SLC9A9: variants seen among roughly 807,000 people sequenced by gnomAD.
SLC9A9 encodes sodium/hydrogen exchanger 9.
In SLC9A9, 62 loss-of-function variants were observed where a neutral mutation model predicts 77.8. The ratio of observed to expected loss-of-function variants is 0.80; its 90% CI spans 0.65 to 0.98. The LOEUF is 0.98. SLC9A9 is among the 50% of genes least tolerant of loss of function. SLC9A9 has a pLI of 0.00. For synonymous variants in SLC9A9, 320 were observed against 283.5 expected (o/e 1.13, Z -1.29); for missense variants, 775 against 774.9 (o/e 1.00, Z 0.00).
rs139943362 is a variant in SLC9A9 at position 143,705,929 on chromosome 3, A to T, written c.534-12622T>A. On this transcript the variant is annotated intron_variant, in intron 4 of 15. Transcript: ENST00000316549. ...AGAGAGAAGTCATCTACATAAGCAC[A>T]GCACATAGTGGAAAGCGCTAAGTGT... Among the ~76,000 whole-genome samples, 223 of 152,364 alleles carry T rather than the reference A, an allele frequency of 1.5e-3. 1 individual carries two copies. The highest frequency in any genetic ancestry group is 5.2e-3 in the African/African-American group (215 of 41,590).
At chr3:143,538,985 T>A (rs921533961) in intron 9 of SLC9A9, among the ~76,000 whole-genome samples, 2 of 152,194 alleles carry the variant, frequency 1.3e-5, no homozygotes, top group African/African-American at 4.8e-5. Flanking sequence ...AAAATTTAAT[T>A]TGAACAAAGC....
chr3:143,555,163 T>C (rs141885440), intron 8 of SLC9A9, among the ~76,000 whole-genome samples: 2 of 152,252 alleles, frequency 1.3e-5, no homozygotes, highest in East Asian at 3.9e-4. Context: ...AGTGAATAAG[T>C]CTCATGAGAT....
intron 12 of SLC9A9, among the ~76,000 whole-genome samples, chr3:143,454,175 C>T (rs1012386865): frequency 2.8e-4 from 43 of 152,142 alleles, no homozygotes; most frequent in African/African-American, 1.0e-3. Flanking sequence ...ACAAAACAAA[C>T]TAAGACACTG....
At chr3:143,801,897 A>G (rs2008572402) in intron 2 of SLC9A9, among the ~76,000 whole-genome samples, 1 of 152,162 alleles carries the variant, frequency 6.6e-6, no homozygotes, top group Non-Finnish European at 1.5e-5. Context: ...AGGTTTCCTC[A>G]CTACACAAGA....
intron 8 of SLC9A9, among the ~76,000 whole-genome samples, chr3:143,561,103 C>A (rs1264148039): frequency 6.6e-6 from 1 of 152,128 alleles, no homozygotes; most frequent in Non-Finnish European, 1.5e-5. Context: ...ATTGTTTGAA[C>A]CCGGGAGGTG....
intron 14 of SLC9A9, among the ~76,000 whole-genome samples, chr3:143,305,891 T>G (rs1480267692): frequency 1.3e-5 from 2 of 152,234 alleles, no homozygotes; most frequent in Admixed American, 1.3e-4. Context: ...AGCTGTCAAG[T>G]GATGGAAAAG....
Position 143,385,860 on chromosome 3 carries a change from G to A in SLC9A9, c.1470-3746C>T, listed in dbSNP as rs559515463. Among the ~76,000 whole-genome samples the A allele has an allele frequency of 7.9e-5, 12 of 152,230 alleles. No homozygotes were observed. The South Asian group carries it at 8.3e-4, about 11-fold the overall frequency. ...CTGATCTGGACAGTGTCCTGGGTCC[G>A]GTAACTGGACTTGTCCTTGTTTCTG... On this transcript the variant is annotated intron_variant, in intron 12 of 15. Transcript: ENST00000316549.
intron 4 of SLC9A9, among the ~76,000 whole-genome samples, chr3:143,742,965 C>A (rs999404739): frequency 6.6e-6 from 1 of 151,848 alleles, no homozygotes; most frequent in Non-Finnish European, 1.5e-5. Flanking sequence ...TCCAAGGAAG[C>A]CTGCTGCCTT....
chr3:143,845,536 G>A (rs150061593), intron 1 of SLC9A9, among the ~76,000 whole-genome samples: 1 of 152,290 alleles, frequency 6.6e-6, no homozygotes, highest in East Asian at 1.9e-4. Flanking sequence ...GTTCTTTCAG[G>A]TGAACGTGAA....
intron 2 of SLC9A9, among the ~76,000 whole-genome samples, chr3:143,801,016 A>C (rs2008537110): frequency 6.6e-6 from 1 of 152,160 alleles, no homozygotes; most frequent in South Asian, 2.1e-4. Flanking sequence ...TCACCTTTGG[A>C]TACCTGGTTT....
chr3:143,370,784 T>A (rs1415614760), intron 13 of SLC9A9, among the ~76,000 whole-genome samples: 1 of 152,054 alleles, frequency 6.6e-6, no homozygotes, highest in Non-Finnish European at 1.5e-5. Context: ...AACCACTTCA[T>A]CATCGCTTTC....
intron 6 of SLC9A9, among the ~76,000 whole-genome samples, chr3:143,603,514 T>C (rs1023956453): frequency 5.3e-5 from 8 of 152,214 alleles, no homozygotes; most frequent in African/African-American, 1.9e-4. Context: ...AGCAAACTCT[T>C]GTGCAGCCCT....
intron 4 of SLC9A9, among the ~76,000 whole-genome samples, chr3:143,763,720 T>C (rs2007212860): frequency 6.6e-6 from 1 of 152,152 alleles, no homozygotes; most frequent in Non-Finnish European, 1.5e-5. Flanking sequence ...TTTGATTTTT[T>C]TTTTTTTCAC....
intron 2 of SLC9A9, among the ~76,000 whole-genome samples, chr3:143,815,019 A>G (rs982490101): frequency 1.3e-5 from 2 of 152,044 alleles, no homozygotes; most frequent in Non-Finnish European, 2.9e-5. Context: ...AACAAAGGAG[A>G]GGGAGAATAA....
intron 14 of SLC9A9, among the ~76,000 whole-genome samples, chr3:143,273,125 A>G (rs995174205): frequency 6.6e-6 from 1 of 152,244 alleles, no homozygotes; most frequent in Non-Finnish European, 1.5e-5. Flanking sequence ...GCTAAAACCA[A>G]TGGGTACACA....
At position 143,728,456 on chromosome 3, in the gene SLC9A9, G is replaced by A. The variant is rs971853882; in HGVS notation, c.534-35149C>T. Among the ~76,000 whole-genome samples the A allele has an allele frequency of 4.2e-4, 64 of 152,196 alleles. 1 individual carries two copies. Among genetic ancestry groups the A allele is most frequent in the East Asian group, 7.7e-4 (4 of 5,190 alleles). On this transcript the variant is annotated intron_variant, in intron 4 of 15. Transcript: ENST00000316549. ...GATGACATCTTCTGGGATCTGAAAGGAAGTGGAATAAAGTGGGCAAGGGGT... is the reference window on the plus strand; with the variant it reads ...GATGACATCTTCTGGGATCTGAAAGAAAGTGGAATAAAGTGGGCAAGGGGT...
intron 4 of SLC9A9, among the ~76,000 whole-genome samples, chr3:143,696,136 G>A (rs898170732): frequency 2.0e-5 from 3 of 152,130 alleles, no homozygotes; most frequent in African/African-American, 7.2e-5. Flanking sequence ...CTGTTCAGAA[G>A]CTCTTTAATT....
chr3:143,291,813 C>G (rs2029989720), intron 14 of SLC9A9, among the ~76,000 whole-genome samples: 1 of 152,196 alleles, frequency 6.6e-6, no homozygotes, highest in Non-Finnish European at 1.5e-5. Context: ...CATAAAGGTA[C>G]AAGTGGAATT....
chr3:143,470,098 C>T (rs2035352582), intron 11 of SLC9A9, among the ~76,000 whole-genome samples: 1 of 152,164 alleles, frequency 6.6e-6, no homozygotes, highest in Admixed American at 6.5e-5. Flanking sequence ...GTACAATAGA[C>T]TTCTGTATCT....
Sources: allele counts gnomAD v4.1 joint callset (sites outside exome capture counted in the v4.1 genomes callset), GRCh38; gene constraint gnomAD v4.1.1; transcripts MANE v1.5; gene names NCBI Gene and HGNC (gene_info 2026-07-23, HGNC 2026-07-21).